SHROOM2: variants seen among roughly 807,000 people sequenced by gnomAD.
SHROOM2 encodes shroom family member 2.
SHROOM2 carries 33 observed loss-of-function variants against 75.9 expected under a neutral mutation model. The observed-to-expected ratio is 0.43, with a 90% CI of 0.33 to 0.58. SHROOM2 has a LOEUF of 0.58. Among genes scored for constraint, SHROOM2 ranks in the 20% least tolerant of loss-of-function variants. SHROOM2 has a pLI of 0.04. For synonymous variants in SHROOM2, 655 were observed against 663.6 expected, an observed-to-expected ratio of 0.99 and a Z score of 0.20; for missense variants, 1,434 against 1,461.2, an observed-to-expected ratio of 0.98 and a Z score of 0.30.
At chrX:9,912,678 T>G (rs1027952175) in intron 5 of SHROOM2, 1 of 111,798 alleles carries the variant, frequency 8.9e-6, no homozygotes, top group African/African-American at 3.3e-5. Context: ...CGCCGTTTGT[T>G]AGGGGTTTGT....
rs1453128651 is a variant in SHROOM2, at chrX:9,949,026, T to C, written c.*2089T>C. Reference sequence around the variant, plus strand: ...TTGGTGTCTGTACTCAGCCTTTTGATGTCTTTTTAGGACTTTCTCTTCTAC... The same window carrying C: ...TTGGTGTCTGTACTCAGCCTTTTGACGTCTTTTTAGGACTTTCTCTTCTAC... On this transcript the variant is annotated 3_prime_UTR_variant, in exon 10 of 10. Coordinates refer to ENST00000380913, the MANE Select transcript of SHROOM2 (RefSeq NM_001649.4). 1 of 172,128 alleles carries C rather than the reference T, an allele frequency of 5.8e-6. No homozygotes were observed. The highest frequency in any genetic ancestry group is 2.9e-5 in the African/African-American group (1 of 34,087). The allele number at this position is 172,128 out of a possible 1,213,427, so 14.2% of individuals were successfully genotyped here. A position where few individuals can be genotyped will look rare whatever the true frequency, so the allele number is the denominator to read the frequency against.
At chrX:9,842,044 G>C (rs2083981942) in intron 1 of SHROOM2, among the ~76,000 whole-genome samples, 1 of 111,756 alleles carries the variant, frequency 8.9e-6, no homozygotes. Context: ...GGGTGACAGA[G>C]TGAGACTTTG....
In SHROOM2 at chrX:9,943,576, A is replaced by C. The variant is rs758412596; in HGVS notation, c.4312-1065A>C. Reference sequence around the variant, plus strand: ...CATAGAGTGTTAGTGTCTAATAGTTACGCAGTTTCAGTTGGGGAAGATGAC... The same window carrying C: ...CATAGAGTGTTAGTGTCTAATAGTTCCGCAGTTTCAGTTGGGGAAGATGAC... On this transcript the variant is annotated intron_variant, in intron 8 of 9. Transcript: ENST00000380913. Among the ~76,000 whole-genome samples the C allele has an allele frequency of 4.5e-5, 5 of 112,006 alleles. No homozygotes were observed. The South Asian group carries it at 1.5e-3, about 33-fold the overall frequency.
Position 9,917,582 on chromosome X carries a change from G to A in SHROOM2, c.2892-14593G>A, listed in dbSNP as rs753013631. On this transcript the variant is annotated intron_variant, in intron 5 of 9. Transcript: ENST00000380913. Reference sequence around the variant, plus strand: ...GTCACCCAGGCTGGAGTGCAGTGCCGCAATCTCAGCTCACTGCAACCTCTG... The same window carrying A: ...GTCACCCAGGCTGGAGTGCAGTGCCACAATCTCAGCTCACTGCAACCTCTG... 9.0e-5 allele frequency among the ~76,000 whole-genome samples: 10 copies of A among 111,413 alleles called. No individual in the cohort carries two copies. In the East Asian group the frequency reaches 1.4e-3, roughly 16 times the overall value.
In SHROOM2 at chrX:9,937,775, A is replaced by G. The variant is rs2084729930; in HGVS notation, c.4139+90A>G. 1.1e-5 allele frequency: 9 copies of G among 846,057 alleles called. No homozygotes were observed. The South Asian group carries it at 1.1e-4, about 11-fold the overall frequency. 69.7% of individuals were successfully genotyped at this position (846,057 alleles called of 1,213,427 possible). A position where few individuals can be genotyped will look rare whatever the true frequency, so the allele number is the denominator to read the frequency against. On this transcript the variant is annotated intron_variant, in intron 7 of 9. Coordinates refer to ENST00000380913, the MANE Select transcript of SHROOM2 (RefSeq NM_001649.4). ...GAAGGGGGTCTGCCTCTCTGTTTTC[A>G]TGCGTGCTTTTGGGGAAGACGGGTT...
At chrX:9,786,746 G>GGAGCTGGCCGCCCTGCGGGCGC in intron 1 of SHROOM2, 36 bp downstream of exon 1, 1 of 861,254 alleles carries the variant, frequency 1.2e-6, no homozygotes, top group African/African-American at 2.1e-5. Context: ...CTGACAGCCG[G>GGAGCTGGCCGCCCTGCGGGCGC]GAGCTGGCCG....
intron 5 of SHROOM2, among the ~76,000 whole-genome samples, chrX:9,917,534 T>TG (rs56192509): frequency 0.16 from 17,295 of 107,484 alleles, 1,113 homozygotes; most frequent in Middle Eastern, 0.2. Flanking sequence ...TTGTTGTTGT[T>TG]TTTTGAGATG....
At chrX:9,904,426 G>C (rs774777145) in intron 5 of SHROOM2, among the ~76,000 whole-genome samples, 23 of 112,009 alleles carry the variant, frequency 2.1e-4, no homozygotes, top group Middle Eastern at 4.6e-3. Context: ...CAGGATCCTT[G>C]ATCCCTCATG....
chrX:9,864,221 C>G (rs922557284), intron 1 of SHROOM2, among the ~76,000 whole-genome samples: 1 of 111,242 alleles, frequency 9.0e-6, no homozygotes, highest in Non-Finnish European at 1.9e-5. Context: ...AGTCACTCAC[C>G]GTTATCAGCA....
chrX:9,796,471 T>A (rs185893271), intron 1 of SHROOM2, among the ~76,000 whole-genome samples: 1 of 111,046 alleles, frequency 9.0e-6, no homozygotes, highest in Admixed American at 9.6e-5. Flanking sequence ...AAAATACATC[T>A]AATGCCCAGC....
intron 5 of SHROOM2, among the ~76,000 whole-genome samples, chrX:9,923,806 C>T (rs1175200972): frequency 8.9e-6 from 1 of 112,377 alleles, no homozygotes; most frequent in African/African-American, 3.2e-5. Context: ...ATTAACCCCT[C>T]GAGAAATCAG....
intron 5 of SHROOM2, among the ~76,000 whole-genome samples, chrX:9,916,874 C>A (rs1489246106): frequency 8.9e-6 from 1 of 111,984 alleles, no homozygotes; most frequent in Non-Finnish European, 1.9e-5. Context: ...GGTTACAGTT[C>A]AACTTTTTTG....
chrX:9,799,031 A>C (rs973293897), intron 1 of SHROOM2, among the ~76,000 whole-genome samples: 1 of 110,680 alleles, frequency 9.0e-6, no homozygotes, highest in Non-Finnish European at 1.9e-5. Flanking sequence ...TGTTTTGGGG[A>C]CAAGTAATTA....
chrX:9,930,753 G>GT (rs1254120613), intron 5 of SHROOM2, among the ~76,000 whole-genome samples: 1 of 110,310 alleles, frequency 9.1e-6, no homozygotes, highest in African/African-American at 3.3e-5. Flanking sequence ...GTTTTGTTTT[G>GT]TTTTTTTGAG....
At chrX:9,925,447 T>C (rs1186162481) in intron 5 of SHROOM2, among the ~76,000 whole-genome samples, 3 of 112,818 alleles carry the variant, frequency 2.7e-5, no homozygotes, top group African/African-American at 9.7e-5. Context: ...CTTCTATTTA[T>C]GCCCACAACC....
At chrX:9,874,228 AGGTCTGGAGGGAG>A (rs1458559147) in intron 2 of SHROOM2, among the ~76,000 whole-genome samples, 43 of 111,708 alleles carry the variant, frequency 3.8e-4, no homozygotes, top group African/African-American at 1.4e-3. Flanking sequence ...CACTGTGCTG[AGGTCTGGAGGGAG>A]GGTCTGGAGG....
chrX:9,869,487 G>T (rs1438615327), intron 1 of SHROOM2, among the ~76,000 whole-genome samples: 2 of 111,443 alleles, frequency 1.8e-5, no homozygotes, highest in Non-Finnish European at 3.8e-5. Context: ...CCTCTCCCCA[G>T]CCCCTGGTAA....
intron 5 of SHROOM2, chrX:9,913,035 G>C (rs1460785300): frequency 1.8e-5 from 2 of 112,490 alleles, no homozygotes; most frequent in Non-Finnish European, 3.8e-5. Flanking sequence ...TGCTCTGATG[G>C]GACTGCAGCC....
intron 1 of SHROOM2, among the ~76,000 whole-genome samples, chrX:9,867,012 G>A (rs958790986): frequency 3.6e-5 from 4 of 110,054 alleles, no homozygotes; most frequent in Non-Finnish European, 7.6e-5. Flanking sequence ...GCCACTGCAG[G>A]GACCCCATTC....
Sources: gnomAD v4.1 joint callset for allele counts (sites outside exome capture counted in the v4.1 genomes callset) on GRCh38, gnomAD v4.1.1 for gene constraint, MANE v1.5 for transcripts, NCBI Gene and HGNC (gene_info 2026-07-23, HGNC 2026-07-21) for gene names.